NIBAN1: variants seen among roughly 807,000 people sequenced by gnomAD.
The protein encoded by NIBAN1 is niban apoptosis regulator 1.
NIBAN1 carries 81 observed loss-of-function variants against 75.1 expected under a neutral mutation model. The observed-to-expected ratio is 1.08, with a 90% CI of 0.90 to 1.30. NIBAN1 has a LOEUF of 1.30. NIBAN1 is among the 50% of genes most tolerant of loss of function. The probability of loss-of-function intolerance (pLI) is 0.00; values close to 1 mark genes in which losing one functional copy is unlikely to be tolerated. For synonymous variants in NIBAN1, 436 were observed against 424.8 expected (o/e 1.03, Z -0.32); for missense variants, 1,133 against 1,128.1 (o/e 1.00, Z -0.06).
At chr1:184,865,775 A>C (rs897304420) in intron 5 of NIBAN1, among the ~76,000 whole-genome samples, 7 of 152,312 alleles carry the variant, frequency 4.6e-5, no homozygotes, top group African/African-American at 1.7e-4. Flanking sequence ...TAATAAGCCA[A>C]AAATACTGTT....
chr1:184,874,133 C>A (rs929944642), intron 5 of NIBAN1, among the ~76,000 whole-genome samples: 6 of 150,946 alleles, frequency 4.0e-5, no homozygotes, highest in African/African-American at 1.5e-4. Flanking sequence ...TACCCACTAA[C>A]AAAATAAAAA....
chr1:184,966,030 A>G (rs573636743), intron 1 of NIBAN1, among the ~76,000 whole-genome samples: 12 of 152,380 alleles, frequency 7.9e-5, no homozygotes, highest in African/African-American at 2.9e-4. Flanking sequence ...TTAAGTGAGT[A>G]AGACTATAAT....
At chr1:184,888,050 A>G (rs1656571890) in intron 4 of NIBAN1, 1 of 152,184 alleles carries the variant, frequency 6.6e-6, no homozygotes, top group Non-Finnish European at 1.5e-5. Context: ...TTTTCTGGGC[A>G]TAGTGGCATG....
At chr1:184,972,168 T>A (rs1658956916) in intron 1 of NIBAN1, among the ~76,000 whole-genome samples, 1 of 152,240 alleles carries the variant, frequency 6.6e-6, no homozygotes, top group South Asian at 2.1e-4. Flanking sequence ...AGAAAGTTAT[T>A]GTCTCAGCTT....
chr1:184,861,003 T>C (rs1393096493), intron 5 of NIBAN1, among the ~76,000 whole-genome samples: 1 of 152,234 alleles, frequency 6.6e-6, no homozygotes, highest in Non-Finnish European at 1.5e-5. Context: ...TGAAATATTG[T>C]AGCTCTTATT....
intron 1 of NIBAN1, among the ~76,000 whole-genome samples, chr1:184,960,623 A>ATGTTGTTGT (rs59022150): frequency 0.68 from 102,249 of 149,964 alleles, 35,519 homozygotes; most frequent in Non-Finnish European, 0.76. Flanking sequence ...CAACAACAAA[A>ATGTTGTTGT]TGTTGTTGTT....
intron 1 of NIBAN1, among the ~76,000 whole-genome samples, chr1:184,946,889 C>T (rs141632786): frequency 0.021 from 3,147 of 152,064 alleles, 96 homozygotes; most frequent in African/African-American, 0.071. Context: ...GCCTGACCAA[C>T]ATGGAGAAAC....
At chr1:184,875,750 G>C (rs1347361863) in intron 5 of NIBAN1, among the ~76,000 whole-genome samples, 2 of 152,172 alleles carry the variant, frequency 1.3e-5, no homozygotes, top group African/African-American at 4.8e-5. Flanking sequence ...TACCTGGAGA[G>C]ATGAGAAAAC....
chr1:184,951,213 T>C (rs1658349733), intron 1 of NIBAN1, among the ~76,000 whole-genome samples: 1 of 152,240 alleles, frequency 6.6e-6, no homozygotes, highest in African/African-American at 2.4e-5. Flanking sequence ...CATCTGCAAA[T>C]GATAACAGTA....
At chr1:184,796,457 T>G (rs552502145) in intron 13 of NIBAN1, among the ~76,000 whole-genome samples, 29 of 152,334 alleles carry the variant, frequency 1.9e-4, no homozygotes, top group Non-Finnish European at 3.5e-4. Context: ...GATGGGTGGC[T>G]CCAGTTTGTC....
chr1:184,838,307 CCT>C (rs1466829801), intron 5 of NIBAN1, among the ~76,000 whole-genome samples: 3 of 152,166 alleles, frequency 2.0e-5, no homozygotes, highest in Admixed American at 6.5e-5. Flanking sequence ...GATTCTGTCC[CCT>C]GAGTCTCTTA....
intron 5 of NIBAN1, among the ~76,000 whole-genome samples, chr1:184,866,576 T>C (rs1655963215): frequency 6.6e-6 from 1 of 152,232 alleles, no homozygotes; most frequent in African/African-American, 2.4e-5. Flanking sequence ...TTCCCTTCTC[T>C]TAAGTTATGA....
chr1:184,808,493 G>T (rs2102197688), intron 9 of NIBAN1, among the ~76,000 whole-genome samples: 1 of 152,204 alleles, frequency 6.6e-6, no homozygotes. Flanking sequence ...GCACCCACGG[G>T]GACTCCAGTC....
chr1:184,840,138 T>G (rs1655244220), intron 5 of NIBAN1, among the ~76,000 whole-genome samples: 2 of 152,364 alleles, frequency 1.3e-5, no homozygotes, highest in South Asian at 4.1e-4. Context: ...ATAAAAGTTT[T>G]AATTTTTATT....
chr1:184,909,575 G>A (rs564883741), intron 1 of NIBAN1, among the ~76,000 whole-genome samples: 11 of 152,196 alleles, frequency 7.2e-5, no homozygotes, highest in African/African-American at 2.6e-4. Context: ...TCTATAAACC[G>A]TTCAACATTT....
chr1:184,857,617 T>C (rs1655712714), intron 5 of NIBAN1, among the ~76,000 whole-genome samples: 1 of 152,196 alleles, frequency 6.6e-6, no homozygotes, highest in Non-Finnish European at 1.5e-5. Context: ...AAAATGTTCT[T>C]ATTAAAGAAT....
At chr1:184,906,950 T>C (rs908517388) in intron 1 of NIBAN1, among the ~76,000 whole-genome samples, 3 of 152,232 alleles carry the variant, frequency 2.0e-5, no homozygotes, top group African/African-American at 7.2e-5. Flanking sequence ...TGGAAGATAC[T>C]ATTTATAGCA....
chr1:184,867,774 A>C, intron 5 of NIBAN1: 1 of 783,944 alleles, frequency 1.3e-6, no homozygotes, highest in Non-Finnish European at 1.5e-6. Flanking sequence ...AGCCTTACAA[A>C]TTGAGTTTGG....
At chr1:184,896,880 C>T (rs1013634754) in intron 2 of NIBAN1, among the ~76,000 whole-genome samples, 3 of 152,098 alleles carry the variant, frequency 2.0e-5, no homozygotes. Context: ...TCTGGGTTCT[C>T]CATTCTGTTC....
Sources: allele counts gnomAD v4.1 joint callset (sites outside exome capture counted in the v4.1 genomes callset), GRCh38; gene constraint gnomAD v4.1.1; transcripts MANE v1.5; gene names NCBI Gene and HGNC (gene_info 2026-07-23, HGNC 2026-07-21).